Variants in DARS1 observed in about 807,000 individuals in gnomAD.
The protein encoded by DARS1 is aspartate--tRNA ligase, cytoplasmic.
A neutral mutation model predicts 68.8 loss-of-function variants in DARS1; 51 were observed. The ratio of observed to expected loss-of-function variants is 0.74; its 90% CI spans 0.59 to 0.94. The LOEUF (loss-of-function observed/expected upper bound fraction) is 0.94. Among genes scored for constraint, DARS1 ranks in the 40% least tolerant of loss-of-function variants. The pLI is 0.00. For missense variants in DARS1, 607 were observed against 597.3 expected, an observed-to-expected ratio of 1.02 and a Z score of -0.17; for synonymous variants, 203 against 190.4, an observed-to-expected ratio of 1.07 and a Z score of -0.55.
intron 3 of DARS1, among the ~76,000 whole-genome samples, chr2:135,974,505 G>C (rs1237577851): frequency 6.6e-6 from 1 of 152,202 alleles, no homozygotes; most frequent in Admixed American, 6.5e-5. Context: ...AAAAAGGTCT[G>C]ATAAAATTCA....
rs753291715 is a variant in DARS1 at position 135,943,395 on chromosome 2, C to A, written c.406G>T (p.Glu136Ter). The A allele has an allele frequency of 4.3e-6, 7 of 1,612,834 alleles. No homozygotes were observed. Among genetic ancestry groups the A allele is most frequent in the Non-Finnish European group, 5.9e-6 (7 of 1,179,470 alleles). ...AAACTTACCTTCTGAACATGTAACT[C>A]AACGTCTTGCTGTGTACAGCTTCCA... The part of the protein sequence containing the change: ...KIGSCTQQDV[E>*]LHVQKIYVIS... Residue 136 changes from glutamate to a stop codon, truncating the protein, a stop_gained, in exon 5 of 16, where the codon GAG (glutamate) becomes TAG (stop). Coordinates refer to ENST00000264161, the MANE Select transcript of DARS1 (RefSeq NM_001349.4). LOFTEE classifies it high-confidence loss of function.
intron 7 of DARS1, among the ~76,000 whole-genome samples, chr2:135,924,810 G>T (rs1459488772): frequency 6.6e-6 from 1 of 151,790 alleles, no homozygotes; most frequent in Non-Finnish European, 1.5e-5. Context: ...TGAATGGTCT[G>T]TTTTTTTTAA....
chr2:135,974,723 A>C (rs1015615273), intron 3 of DARS1, among the ~76,000 whole-genome samples: 10 of 152,224 alleles, frequency 6.6e-5, no homozygotes, highest in African/African-American at 2.4e-4. Context: ...TGCAAAGAGA[A>C]ACAAGAAATG....
chr2:135,969,430 T>C (rs1265164576), intron 3 of DARS1, among the ~76,000 whole-genome samples: 1 of 151,840 alleles, frequency 6.6e-6, no homozygotes, highest in East Asian at 1.9e-4. Flanking sequence ...ATAGGTAGTA[T>C]AGAAGAAAAA....
At chr2:135,954,739 G>C (rs1192635239) in intron 4 of DARS1, among the ~76,000 whole-genome samples, 1 of 152,110 alleles carries the variant, frequency 6.6e-6, no homozygotes, top group Non-Finnish European at 1.5e-5. Context: ...AACGAGTCTG[G>C]TATGTGGTAG....
intron 7 of DARS1, among the ~76,000 whole-genome samples, chr2:135,925,400 G>C (rs1269693123): frequency 6.6e-6 from 1 of 152,156 alleles, no homozygotes; most frequent in African/African-American, 2.4e-5. Flanking sequence ...TGTCTTCTTA[G>C]TCTCATTACG....
intron 4 of DARS1, among the ~76,000 whole-genome samples, chr2:135,954,491 C>T (rs1198242634): frequency 6.6e-6 from 1 of 152,076 alleles, no homozygotes; most frequent in Non-Finnish European, 1.5e-5. Context: ...GAATAAGAGT[C>T]AGTTATTATA....
intron 3 of DARS1, among the ~76,000 whole-genome samples, chr2:135,978,172 AAG>A (rs1288791729): frequency 1.1e-4 from 16 of 151,486 alleles, no homozygotes; most frequent in African/African-American, 3.6e-4. Context: ...AAAAGAAAAA[AAG>A]AAAAAAGGAA....
intron 4 of DARS1, among the ~76,000 whole-genome samples, chr2:135,960,955 T>C (rs963500353): frequency 3.3e-5 from 5 of 152,246 alleles, no homozygotes; most frequent in African/African-American, 1.2e-4. Flanking sequence ...TACTTCCTTC[T>C]GGAGGCAATC....
intron 8 of DARS1, 141 bp downstream of exon 8, chr2:135,924,246 T>C: frequency 1.2e-6 from 1 of 849,352 alleles, no homozygotes; most frequent in South Asian, 2.3e-5. Flanking sequence ...CTATATAAGA[T>C]GGTCTTCAAA....
intron 10 of DARS1, among the ~76,000 whole-genome samples, chr2:135,918,261 A>T (rs1681046399): frequency 6.6e-6 from 1 of 152,008 alleles, no homozygotes; most frequent in African/African-American, 2.4e-5. Flanking sequence ...TTATATATCA[A>T]CTCCCATTCA....
intron 5 of DARS1, 72 bp downstream of exon 5, chr2:135,943,306 T>A: frequency 4.5e-6 from 7 of 1,550,694 alleles, no homozygotes. Context: ...TAAGAACATA[T>A]AAATTTGACA....
chr2:135,914,762 A>T, intron 11 of DARS1: 1 of 335,650 alleles, frequency 3.0e-6, no homozygotes, highest in South Asian at 7.0e-5. Context: ...GAATATAGCA[A>T]TTCATTGATT....
chr2:135,938,527 G>A (rs534183797), intron 5 of DARS1, among the ~76,000 whole-genome samples: 60 of 152,188 alleles, frequency 3.9e-4, no homozygotes, highest in Admixed American at 1.3e-3. Flanking sequence ...GCTTTGTTGC[G>A]TTGCTGGCGA....
Position 135,924,343 on chromosome 2 carries a change from G to A in DARS1, c.676+44C>T, listed in dbSNP as rs769560860. The A allele has an allele frequency of 3.9e-6, 6 of 1,528,012 alleles. No homozygotes were observed. The Admixed American group carries it at 1.2e-4, about 30-fold the overall frequency. 94.7% of individuals were successfully genotyped at this position (1,528,012 alleles called of 1,614,324 possible). ...TTAATATAAAGCAACTCTGGGGAGA[G>A]CAAATTTATTTTTAAAAATTAAGAG... On this transcript the variant is annotated intron_variant, in intron 8 of 15. Transcript: ENST00000264161.
chr2:135,935,229 T>C (rs1237229689), intron 5 of DARS1, among the ~76,000 whole-genome samples: 1 of 152,140 alleles, frequency 6.6e-6, no homozygotes, highest in African/African-American at 2.4e-5. Flanking sequence ...TCATTAAACA[T>C]GTTACAAACA....
At chr2:135,938,997 C>A (rs569590719) in intron 5 of DARS1, among the ~76,000 whole-genome samples, 42 of 152,208 alleles carry the variant, frequency 2.8e-4, no homozygotes, top group Middle Eastern at 3.4e-3. Context: ...ACAGGAGCAC[C>A]CAGATTCATA....
intron 4 of DARS1, among the ~76,000 whole-genome samples, chr2:135,950,439 A>G (rs558071269): frequency 9.2e-5 from 14 of 152,352 alleles, no homozygotes; most frequent in African/African-American, 3.1e-4. Context: ...AGCTTCCCAA[A>G]GAGAATGTGT....
In DARS1 at chr2:135,979,384, G is replaced by A. The variant is rs777497235; in HGVS notation, c.125-18C>T. On this transcript the variant is annotated intron_variant, in intron 2 of 15. Coordinates refer to ENST00000264161, the MANE Select transcript of DARS1 (RefSeq NM_001349.4). ...AACTCGATCTGTAATAACAGTAAAC[G>A]ATTTTTATATAGTAAAATAATTTTT... The A allele has an allele frequency of 5.7e-5, 54 of 944,294 alleles. No homozygotes were observed. Among genetic ancestry groups the A allele is most frequent in the Non-Finnish European group, 8.3e-5 (48 of 581,492 alleles). The allele number at this position is 944,294 out of a possible 1,614,324, so 58.5% of individuals were successfully genotyped here. A position where few individuals can be genotyped will look rare whatever the true frequency, so the allele number is the denominator to read the frequency against.
Sources: gnomAD v4.1 joint callset for allele counts (sites outside exome capture counted in the v4.1 genomes callset) on GRCh38, gnomAD v4.1.1 for gene constraint, MANE v1.5 for transcripts, NCBI Gene and HGNC (gene_info 2026-07-23, HGNC 2026-07-21) for gene names.